Variants in ATP8A2 observed in about 807,000 individuals in gnomAD.
ATP8A2 encodes phospholipid-transporting ATPase IB.
In ATP8A2, 100 loss-of-function variants were observed where a neutral mutation model predicts 165.6. That is an observed-to-expected ratio of 0.60 (90% confidence interval 0.51 to 0.71). The LOEUF (loss-of-function observed/expected upper bound fraction) is 0.71, where lower values mean the gene tolerates loss of function less well. ATP8A2 is among the 30% of genes least tolerant of loss of function. The probability of loss-of-function intolerance (pLI) is 0.00; values close to 1 mark genes in which losing one functional copy is unlikely to be tolerated. For synonymous variants in ATP8A2, 543 were observed against 548.8 expected (o/e 0.99, Z 0.15); for missense variants, 1,227 against 1,479.5 (o/e 0.83, Z 2.80).
chr13:25,576,307 C>T (rs2039616716), intron 19 of ATP8A2, among the ~76,000 whole-genome samples: 1 of 152,126 alleles, frequency 6.6e-6, no homozygotes, highest in Non-Finnish European at 1.5e-5. Context: ...CTAGGGCCCT[C>T]TGTAGTTGGA....
At chr13:25,806,663 G>T (rs1950746730) in intron 27 of ATP8A2, among the ~76,000 whole-genome samples, 2 of 152,210 alleles carry the variant, frequency 1.3e-5, no homozygotes, top group Admixed American at 1.3e-4. Flanking sequence ...TTTTTGTATA[G>T]AAATAGGTAT....
rs1186860394 is a variant in ATP8A2 at position 26,025,100 on chromosome 13, T to C, written c.*5115T>C. On this transcript the variant is annotated 3_prime_UTR_variant, in exon 37 of 37. Coordinates refer to ENST00000381655, the MANE Select transcript of ATP8A2 (RefSeq NM_016529.6). The stretch of plus-strand genomic sequence containing the variant: ...GATATGTGGTTTATAGGTGAATCAA[T>C]AAACACCAACAACAACAAAAAAAAA... 5.1e-5 allele frequency: 1 copy of C among 19,774 alleles called. No individual in the cohort carries two copies. The highest frequency in any genetic ancestry group is 1.0e-4 in the Non-Finnish European group (1 of 9,846). 1.2% of individuals were successfully genotyped at this position (19,774 alleles called of 1,614,324 possible).
chr13:25,695,289 C>A (rs895677070), intron 24 of ATP8A2, among the ~76,000 whole-genome samples: 1 of 152,166 alleles, frequency 6.6e-6, no homozygotes, highest in Non-Finnish European at 1.5e-5. Context: ...ATCGCCTAAG[C>A]CTTCAGCAAG....
intron 24 of ATP8A2, among the ~76,000 whole-genome samples, chr13:25,675,157 T>C (rs959450837): frequency 2.0e-5 from 3 of 152,198 alleles, no homozygotes; most frequent in African/African-American, 7.2e-5. Context: ...GGTGGAGCCT[T>C]GGGGCCCTAG....
chr13:25,925,299 C>T (rs1235013018), intron 33 of ATP8A2, among the ~76,000 whole-genome samples: 1 of 152,110 alleles, frequency 6.6e-6, no homozygotes, highest in African/African-American at 2.4e-5. Context: ...CTTTGGGAGG[C>T]CAAGGCAGGC....
At chr13:25,601,138 A>C (rs1156697134) in intron 24 of ATP8A2, among the ~76,000 whole-genome samples, 2 of 152,202 alleles carry the variant, frequency 1.3e-5, no homozygotes, top group Non-Finnish European at 2.9e-5. Flanking sequence ...GGTCAAGACA[A>C]CATCTGGGGC....
At chr13:25,648,189 G>T (rs1433136685) in intron 24 of ATP8A2, among the ~76,000 whole-genome samples, 1 of 151,888 alleles carries the variant, frequency 6.6e-6, no homozygotes, top group Admixed American at 6.6e-5. Context: ...GATTAATTGA[G>T]CCTGGTGTTG....
At chr13:25,899,824 A>G (rs1251278086) in intron 33 of ATP8A2, among the ~76,000 whole-genome samples, 1 of 152,212 alleles carries the variant, frequency 6.6e-6, no homozygotes, top group Non-Finnish European at 1.5e-5. Flanking sequence ...GAGAGCTTTA[A>G]TAGGAAAATG....
At chr13:25,992,520 T>C (rs1367183108) in intron 35 of ATP8A2, among the ~76,000 whole-genome samples, 1 of 152,140 alleles carries the variant, frequency 6.6e-6, no homozygotes, top group Non-Finnish European at 1.5e-5. Context: ...TCTTTCAGCC[T>C]CCTAATAGGG....
intron 24 of ATP8A2, among the ~76,000 whole-genome samples, chr13:25,632,137 G>A (rs2041256215): frequency 6.6e-6 from 1 of 152,166 alleles, no homozygotes; most frequent in Non-Finnish European, 1.5e-5. Flanking sequence ...CAGCCAGATA[G>A]AGAGATGCAT....
intron 20 of ATP8A2, among the ~76,000 whole-genome samples, chr13:25,578,606 AAG>A (rs1434238759): frequency 1.3e-5 from 2 of 152,188 alleles, no homozygotes; most frequent in Non-Finnish European, 2.9e-5. Flanking sequence ...TTTGGCTTTT[AAG>A]ATAACAGATT....
At chr13:25,837,082 A>G in intron 28 of ATP8A2, 81 bp from the exon 29 acceptor site, 1 of 1,540,642 alleles carries the variant, frequency 6.5e-7, no homozygotes, top group Non-Finnish European at 8.8e-7. Flanking sequence ...CTGGAAGTGA[A>G]GTCATCATTT....
chr13:25,803,601 G>C (rs537027700), intron 27 of ATP8A2, among the ~76,000 whole-genome samples: 4 of 152,222 alleles, frequency 2.6e-5, no homozygotes, highest in African/African-American at 9.7e-5. Flanking sequence ...CGTGTGCACA[G>C]ATCAGCCTCG....
intron 33 of ATP8A2, among the ~76,000 whole-genome samples, chr13:25,946,683 C>G (rs1955222622): frequency 6.6e-6 from 1 of 152,146 alleles, no homozygotes; most frequent in South Asian, 2.1e-4. Context: ...GATATTTACT[C>G]AAAGATGCTA....
At chr13:25,480,009 C>T (rs1476134443) in intron 2 of ATP8A2, among the ~76,000 whole-genome samples, 6 of 152,252 alleles carry the variant, frequency 3.9e-5, no homozygotes, top group Admixed American at 6.5e-5. Context: ...CTGTTGGGCA[C>T]ACCTCCCGGA....
At chr13:25,622,307 C>A (rs992617139) in intron 24 of ATP8A2, among the ~76,000 whole-genome samples, 28 of 151,604 alleles carry the variant, frequency 1.8e-4, no homozygotes, top group African/African-American at 6.3e-4. Flanking sequence ...AAATTAGTTT[C>A]TTATGGAGAG....
chr13:25,582,506 C>T (rs2039803460), intron 23 of ATP8A2, among the ~76,000 whole-genome samples: 1 of 152,218 alleles, frequency 6.6e-6, no homozygotes, highest in South Asian at 2.1e-4. Flanking sequence ...TGAAGCTACT[C>T]ATTTTTTAAA....
chr13:25,488,988 G>A (rs915594956), intron 2 of ATP8A2, among the ~76,000 whole-genome samples: 6 of 151,214 alleles, frequency 4.0e-5, no homozygotes, highest in Non-Finnish European at 7.4e-5. Context: ...GTGCCCAGGA[G>A]GACGCTTGAT....
In ATP8A2 at chr13:25,589,669, C is replaced by T. The variant is rs576159671; in HGVS notation, c.2181C>T (p.Ala727=). The part of the protein sequence containing the change: ...YSCRLVSQNM[A]LILLKEDSLD... ...GCCGATTGGTATCGCAGAATATGGC[C>T]CTTATCCTATTGAAGGAGGACTCTT... Residue 727 remains alanine (A), a synonymous_variant, in exon 24 of 37, where the codon GCC becomes GCT. Transcript: ENST00000381655. The T allele has an allele frequency of 3.1e-6, 5 of 1,611,852 alleles. No homozygotes were observed. Among genetic ancestry groups the T allele is most frequent in the Admixed American group, 3.3e-5 (2 of 59,950 alleles).
Sources: allele counts gnomAD v4.1 joint callset (sites outside exome capture counted in the v4.1 genomes callset), GRCh38; gene constraint gnomAD v4.1.1; transcripts MANE v1.5; gene names NCBI Gene and HGNC (gene_info 2026-07-23, HGNC 2026-07-21).